The following LRRC37A2 variants were observed in gnomAD, a reference collection of about 807,000 sequenced individuals.
LRRC37A2 encodes the protein leucine-rich repeat-containing protein 37A2.
Under a neutral mutation model 68.8 loss-of-function variants are expected in LRRC37A2, and 9 were observed. The observed-to-expected ratio is 0.13, with a 90% confidence interval of 0.08 to 0.23. The LOEUF is 0.23. Among genes scored for constraint, LRRC37A2 ranks in the 10% least tolerant of loss-of-function variants. The pLI is 1.00. For missense variants in LRRC37A2, 168 were observed against 950.4 expected, an observed-to-expected ratio of 0.18 and a Z score of 10.82; for synonymous variants, 63 against 367.6, an observed-to-expected ratio of 0.17 and a Z score of 9.48.
At chr17:46,861,880 T>G in the LRRC37A2 span, among the ~76,000 whole-genome samples, 1 of 152,172 alleles carries the variant, frequency 6.6e-6, no homozygotes, top group Non-Finnish European at 1.5e-5. Context: ...TTTAGAAAAG[T>G]AGGCCGGGTG....
the LRRC37A2 span, chr17:46,939,580 T>G: frequency 2.0e-6 from 2 of 985,312 alleles, no homozygotes; most frequent in African/African-American, 1.7e-5. Context: ...AGGCAAAGAT[T>G]TGTGATTTTC....
intron 11 of LRRC37A2, among the ~76,000 whole-genome samples, chr17:46,551,047 A>G (rs1244601236): frequency 3.3e-5 from 5 of 150,052 alleles, no homozygotes; most frequent in Admixed American, 6.6e-5. Flanking sequence ...ATCTTTTACA[A>G]AAATTTTTGG....
At chr17:46,940,092 C>T in the LRRC37A2 span, 1 of 1,141,966 alleles carries the variant, frequency 8.8e-7, no homozygotes. Context: ...TGTCTTATTT[C>T]CCTTCCTTTC....
the LRRC37A2 span, among the ~76,000 whole-genome samples, chr17:46,751,881 A>C: frequency 1.3e-5 from 2 of 152,236 alleles, no homozygotes; most frequent in African/African-American, 4.8e-5. Flanking sequence ...GAACTAGAAA[A>C]GACTTCAAAG....
chr17:46,749,660 A>T, the LRRC37A2 span: 1 of 1,007,154 alleles, frequency 9.9e-7, no homozygotes, highest in Non-Finnish European at 1.4e-6. Context: ...TTGCCTAATC[A>T]TTTGCATCGG....
the LRRC37A2 span, chr17:46,975,301 C>T: frequency 6.6e-6 from 1 of 152,188 alleles, no homozygotes; most frequent in East Asian, 1.9e-4. Flanking sequence ...CAGGCCTTCT[C>T]TCTTGTGAAC....
At chr17:46,759,862 C>G in the LRRC37A2 span, among the ~76,000 whole-genome samples, 2 of 152,188 alleles carry the variant, frequency 1.3e-5, no homozygotes, top group Non-Finnish European at 2.9e-5. Flanking sequence ...ATTATGTCGT[C>G]TCTTTCAGAT....
chr17:46,749,009 G>A, the LRRC37A2 span, among the ~76,000 whole-genome samples: 11 of 152,140 alleles, frequency 7.2e-5, no homozygotes, highest in Non-Finnish European at 1.6e-4. Flanking sequence ...GGGGGAAGGG[G>A]GGTAGTGCAA....
the LRRC37A2 span, among the ~76,000 whole-genome samples, chr17:47,030,063 A>AAATAATAATAATAAT: frequency 2.1e-4 from 16 of 75,320 alleles, 1 homozygote; most frequent in East Asian, 9.4e-4. Flanking sequence ...ACTCTGTCTC[A>AAATAATAATAATAAT]AATAATAATA....
the LRRC37A2 span, among the ~76,000 whole-genome samples, chr17:46,914,016 C>T: frequency 6.6e-6 from 1 of 152,222 alleles, no homozygotes; most frequent in African/African-American, 2.4e-5. Context: ...GCCTCGGCCT[C>T]CCAAAGTGCT....
the LRRC37A2 span, among the ~76,000 whole-genome samples, chr17:47,003,243 C>CCA: frequency 1.4e-5 from 1 of 73,244 alleles, no homozygotes; most frequent in African/African-American, 5.4e-5. Flanking sequence ...AATAGAGACT[C>CCA]AAAAAAAAAA....
the LRRC37A2 span, among the ~76,000 whole-genome samples, chr17:46,877,620 G>T: frequency 1.3e-5 from 2 of 152,186 alleles, no homozygotes; most frequent in Non-Finnish European, 2.9e-5. Flanking sequence ...CAGCTTCCTG[G>T]TGCCTGGCAG....
At chr17:46,489,155 T>G in the LRRC37A2 span, among the ~76,000 whole-genome samples, 1 of 86,412 alleles carries the variant, frequency 1.2e-5, no homozygotes, top group Non-Finnish European at 2.5e-5. Context: ...TTATTTTTTT[T>G]GAGATGGAGT....
At chr17:46,549,073 T>C (rs1252440124) in exon 10 of LRRC37A2, 1 of 1,611,930 alleles carries the variant, frequency 6.2e-7, no homozygotes, top group South Asian at 1.1e-5. Context: ...CAAAACTCGC[T>C]CCCACGTGAC....
At chr17:47,019,971 G>T in the LRRC37A2 span, among the ~76,000 whole-genome samples, 5,548 of 148,620 alleles carry the variant, frequency 0.037, 169 homozygotes, top group Non-Finnish European at 0.054. Flanking sequence ...TTAATGTTAG[G>T]CCCCTTCTCC....
At chr17:46,928,866 C>G in the LRRC37A2 span, among the ~76,000 whole-genome samples, 2 of 152,160 alleles carry the variant, frequency 1.3e-5, no homozygotes, top group African/African-American at 2.4e-5. Context: ...CAGCGATGCT[C>G]AGAACTCTTT....
the LRRC37A2 span, among the ~76,000 whole-genome samples, chr17:46,575,545 G>A: frequency 8.2e-6 from 1 of 121,464 alleles, no homozygotes; most frequent in African/African-American, 3.1e-5. Flanking sequence ...TAGCTGCGAG[G>A]AATGAGGGGC....
chr17:46,876,940 T>C, the LRRC37A2 span: 10 of 1,316,964 alleles, frequency 7.6e-6, no homozygotes, highest in Non-Finnish European at 9.6e-6. Flanking sequence ...AACCCAAGCA[T>C]CCCCAACCTT....
the LRRC37A2 span, among the ~76,000 whole-genome samples, chr17:47,001,196 CTGAG>C: frequency 6.6e-6 from 1 of 152,024 alleles, no homozygotes; most frequent in Admixed American, 6.5e-5. Context: ...TCAGCTCTAA[CTGAG>C]TATTATGGGG....
Sources: allele counts gnomAD v4.1 joint callset (sites outside exome capture counted in the v4.1 genomes callset), GRCh38; gene constraint gnomAD v4.1.1; transcripts MANE v1.5; gene names NCBI Gene and HGNC (gene_info 2026-07-23, HGNC 2026-07-21).